The following PID1 variants were observed in gnomAD, a reference collection of about 807,000 sequenced individuals.
PID1 encodes the protein PTB-containing, cubilin and LRP1-interacting protein.
A neutral mutation model predicts 19.1 loss-of-function variants in PID1; 10 were observed. The ratio of observed to expected loss-of-function variants is 0.52; its 90% CI spans 0.32 to 0.89. PID1 has a LOEUF of 0.89. Ranked by LOEUF, PID1 falls within the 40% of genes least tolerant of loss-of-function variation. The probability of loss-of-function intolerance (pLI) is 0.03; values close to 1 mark genes in which losing one functional copy is unlikely to be tolerated. For synonymous variants in PID1, 130 were observed against 116.0 expected (o/e 1.12, Z -0.78); for missense variants, 248 against 285.3 (o/e 0.87, Z 0.94).
chr2:229,261,919 G>A (rs2106292367), intron 1 of PID1, among the ~76,000 whole-genome samples: 1 of 149,864 alleles, frequency 6.7e-6, no homozygotes, highest in African/African-American at 2.4e-5. Flanking sequence ...TGTCTTCAAA[G>A]TGAGTTCCAG....
At chr2:229,213,871 T>C (rs1241880301) in intron 1 of PID1, among the ~76,000 whole-genome samples, 2 of 152,192 alleles carry the variant, frequency 1.3e-5, no homozygotes, top group African/African-American at 4.8e-5. Context: ...CACAATCAAA[T>C]ACCACAAACA....
chr2:229,096,677 A>G (rs890224426), intron 2 of PID1, among the ~76,000 whole-genome samples: 5 of 152,216 alleles, frequency 3.3e-5, no homozygotes, highest in African/African-American at 1.2e-4. Context: ...CATCAAAAGC[A>G]CCAGGGTCCT....
At chr2:229,188,755 A>G (rs1015402306) in intron 1 of PID1, among the ~76,000 whole-genome samples, 4 of 133,762 alleles carry the variant, frequency 3.0e-5, no homozygotes, top group African/African-American at 1.2e-4. Flanking sequence ...AAAAAAAAAA[A>G]GAGAGAGAGA....
intron 1 of PID1, among the ~76,000 whole-genome samples, chr2:229,207,186 G>A (rs1416768249): frequency 6.6e-6 from 1 of 152,094 alleles, no homozygotes; most frequent in Non-Finnish European, 1.5e-5. Flanking sequence ...TTCATTTAGA[G>A]TAAGAACGAG....
chr2:229,091,226 G>A (rs1016798127), intron 2 of PID1, among the ~76,000 whole-genome samples: 13 of 152,100 alleles, frequency 8.5e-5, no homozygotes, highest in Admixed American at 2.0e-4. Flanking sequence ...TTCTAAAAAT[G>A]TATATTAAAA....
intron 1 of PID1, among the ~76,000 whole-genome samples, chr2:229,234,989 T>A (rs113949057): frequency 6.6e-6 from 1 of 152,230 alleles, no homozygotes. Flanking sequence ...ATGCTTTATT[T>A]TGAGTACTGA....
intron 2 of PID1, among the ~76,000 whole-genome samples, chr2:229,102,754 T>C (rs2106229629): frequency 6.6e-6 from 1 of 152,132 alleles, no homozygotes; most frequent in South Asian, 2.1e-4. Context: ...TTAGAGTGAG[T>C]CAAAACTGAT....
intron 1 of PID1, among the ~76,000 whole-genome samples, chr2:229,228,497 T>C (rs973730210): frequency 1.3e-5 from 2 of 152,220 alleles, no homozygotes; most frequent in Non-Finnish European, 2.9e-5. Context: ...ATATATATCC[T>C]GCAAATATAT....
chr2:229,210,525 C>CAAAAAAAAA (rs1170895327), intron 1 of PID1, among the ~76,000 whole-genome samples: 6 of 15,548 alleles, frequency 3.9e-4, no homozygotes, highest in African/African-American at 5.5e-4. Context: ...AGTTTTGTCT[C>CAAAAAAAAA]AAAAAAAAAA....
At chr2:229,028,647 T>A (rs1317306551) in intron 2 of PID1, among the ~76,000 whole-genome samples, 3 of 151,998 alleles carry the variant, frequency 2.0e-5, no homozygotes, top group African/African-American at 7.3e-5. Context: ...ATAAAGAAAA[T>A]GTGGTACATA....
At chr2:229,142,669 T>C (rs969384884) in intron 2 of PID1, among the ~76,000 whole-genome samples, 1 of 152,166 alleles carries the variant, frequency 6.6e-6, no homozygotes, top group Non-Finnish European at 1.5e-5. Flanking sequence ...CCAGTTAGAA[T>C]GGCAATCATT....
At chr2:229,120,071 A>C (rs1429285664) in intron 2 of PID1, among the ~76,000 whole-genome samples, 1 of 152,184 alleles carries the variant, frequency 6.6e-6, no homozygotes, top group Non-Finnish European at 1.5e-5. Flanking sequence ...CGTGGGACTT[A>C]GCCTCCATAA....
intron 1 of PID1, among the ~76,000 whole-genome samples, chr2:229,188,444 T>C (rs1258519310): frequency 6.6e-6 from 1 of 151,874 alleles, no homozygotes; most frequent in Non-Finnish European, 1.5e-5. Context: ...ACAGAAGAGA[T>C]TGTGTCTGTT....
chr2:229,183,840 A>C, intron 1 of PID1, among the ~76,000 whole-genome samples: 1 of 148,880 alleles, frequency 6.7e-6, no homozygotes, highest in African/African-American at 2.5e-5. Context: ...CCTTATAATA[A>C]ATCTCTCTCC....
At chr2:229,064,301 T>C (rs1356623826) in intron 2 of PID1, among the ~76,000 whole-genome samples, 1 of 151,880 alleles carries the variant, frequency 6.6e-6, no homozygotes, top group African/African-American at 2.4e-5. Flanking sequence ...GGAAGTAAAA[T>C]TGAGCTGGTT....
chr2:229,116,104 G>T (rs544290022), intron 2 of PID1, among the ~76,000 whole-genome samples: 163 of 152,188 alleles, frequency 1.1e-3, no homozygotes, highest in Non-Finnish European at 1.9e-3. Context: ...GTGGGTGCCT[G>T]TAGTCCCAGC....
intron 1 of PID1, among the ~76,000 whole-genome samples, chr2:229,214,157 A>G (rs754554616): frequency 2.6e-5 from 4 of 152,144 alleles, no homozygotes; most frequent in Admixed American, 6.5e-5. Flanking sequence ...CATTCATACC[A>G]TTTTGTGTGG....
At chr2:229,122,958 C>T (rs1695552520) in intron 2 of PID1, among the ~76,000 whole-genome samples, 2 of 152,136 alleles carry the variant, frequency 1.3e-5, no homozygotes. Context: ...TGTTTCGGTA[C>T]TGGAGCTGAG....
intron 2 of PID1, among the ~76,000 whole-genome samples, chr2:229,153,872 T>C (rs1471121166): frequency 1.3e-5 from 2 of 152,212 alleles, no homozygotes; most frequent in African/African-American, 2.4e-5. Context: ...TTCTCCTCCA[T>C]ATACTTGTCC....
Sources: gnomAD v4.1 joint callset for allele counts (sites outside exome capture counted in the v4.1 genomes callset) on GRCh38, gnomAD v4.1.1 for gene constraint, MANE v1.5 for transcripts, NCBI Gene and HGNC (gene_info 2026-07-23, HGNC 2026-07-21) for gene names.